Variants in FMN1 observed in about 807,000 individuals in gnomAD.
FMN1 encodes formin 1.
A neutral mutation model predicts 132.4 loss-of-function variants in FMN1; 110 were observed. The observed-to-expected ratio is 0.83, with a 90% confidence interval of 0.71 to 0.97. The LOEUF (loss-of-function observed/expected upper bound fraction) is 0.97. Ranked by LOEUF, FMN1 falls within the 50% of genes least tolerant of loss-of-function variation. The probability of loss-of-function intolerance (pLI) is 0.00; values close to 1 mark genes in which losing one functional copy is unlikely to be tolerated. For missense variants in FMN1, 1,792 were observed against 1,705.3 expected, an observed-to-expected ratio of 1.05 and a Z score of -0.90; for synonymous variants, 722 against 651.7, an observed-to-expected ratio of 1.11 and a Z score of -1.64.
chr15:32,968,540 G>A (rs1376156633), intron 8 of FMN1, among the ~76,000 whole-genome samples, 174 bp downstream of exon 8: 1 of 152,098 alleles, frequency 6.6e-6, no homozygotes, highest in East Asian at 1.9e-4. Flanking sequence ...GAGAGGCCCT[G>A]ATGGAGACAG....
At chr15:32,793,126 G>A (rs1179148595) in intron 19 of FMN1, among the ~76,000 whole-genome samples, 1 of 152,096 alleles carries the variant, frequency 6.6e-6, no homozygotes, top group African/African-American at 2.4e-5. Flanking sequence ...GGGCCAAGAG[G>A]TGTGTATAGT....
intron 6 of FMN1, among the ~76,000 whole-genome samples, chr15:33,018,476 A>G (rs935584673): frequency 5.9e-5 from 9 of 152,146 alleles, no homozygotes; most frequent in African/African-American, 2.2e-4. Context: ...CGTACATAAT[A>G]GAGCTTCCGT....
At chr15:33,173,854 A>G (rs1187855062) in intron 3 of FMN1, among the ~76,000 whole-genome samples, 1 of 152,262 alleles carries the variant, frequency 6.6e-6, no homozygotes, top group Admixed American at 6.5e-5. Flanking sequence ...GCTTGAACCC[A>G]GGAGGTGGAG....
chr15:32,768,257 T>G lies in FMN1; in HGVS notation c.*6053A>C, dbSNP rs1014360674. On this transcript the variant is annotated 3_prime_UTR_variant, in exon 21 of 21. Transcript: ENST00000616417. The stretch of plus-strand genomic sequence containing the variant: ...AGCCAGTGGTCTATGGGACTAACCT[T>G]TCATTTGGGAAAGACAGATCTGGAA... 1 of 152,282 alleles carries G rather than the reference T, an allele frequency of 6.6e-6. No individual in the cohort carries two copies. The highest frequency in any genetic ancestry group is 6.5e-5 in the Admixed American group (1 of 15,288). The allele number at this position is 152,282 out of a possible 1,614,324, so 9.4% of individuals were successfully genotyped here.
At chr15:32,966,261 A>C (rs2031213531) in intron 8 of FMN1, among the ~76,000 whole-genome samples, 1 of 151,990 alleles carries the variant, frequency 6.6e-6, no homozygotes, top group South Asian at 2.1e-4. Context: ...TTTGGGAGTC[A>C]ACCGTGATCA....
At chr15:33,103,211 C>G (rs939158024) in intron 4 of FMN1, among the ~76,000 whole-genome samples, 1 of 152,076 alleles carries the variant, frequency 6.6e-6, no homozygotes, top group African/African-American at 2.4e-5. Context: ...CTAATGAACA[C>G]TTACTATTGA....
At chr15:32,973,118 G>GA (rs1230257096) in intron 7 of FMN1, among the ~76,000 whole-genome samples, 1 of 151,720 alleles carries the variant, frequency 6.6e-6, no homozygotes, top group Non-Finnish European at 1.5e-5. Flanking sequence ...AGAAGATTTT[G>GA]AAAAAATAAA....
At chr15:33,077,143 G>A (rs2038243654) in intron 5 of FMN1, among the ~76,000 whole-genome samples, 1 of 152,080 alleles carries the variant, frequency 6.6e-6, no homozygotes, top group Non-Finnish European at 1.5e-5. Flanking sequence ...CCATCTTCCT[G>A]CCTCAGCCCC....
chr15:32,907,237 TCACCATA>T (rs2060449112), intron 12 of FMN1, among the ~76,000 whole-genome samples: 1 of 152,096 alleles, frequency 6.6e-6, no homozygotes, highest in Non-Finnish European at 1.5e-5. Flanking sequence ...ATTATACAAC[TCACCATA>T]ATCTAGGATT....
chr15:33,192,787 A>G (rs1966123064), intron 2 of FMN1, among the ~76,000 whole-genome samples: 1 of 152,252 alleles, frequency 6.6e-6, no homozygotes, highest in South Asian at 2.1e-4. Context: ...GACTAGTATT[A>G]TTAATAGCAG....
At chr15:33,015,266 C>T (rs772110731) in intron 6 of FMN1, among the ~76,000 whole-genome samples, 1 of 152,164 alleles carries the variant, frequency 6.6e-6, no homozygotes, top group Non-Finnish European at 1.5e-5. Context: ...CAGAATCACT[C>T]GTAAACTTGG....
chr15:32,933,384 T>C (rs1432495802), intron 9 of FMN1, among the ~76,000 whole-genome samples: 3 of 152,204 alleles, frequency 2.0e-5, no homozygotes, highest in Non-Finnish European at 4.4e-5. Flanking sequence ...AGGCTTGTTT[T>C]CTGACATAAC....
chr15:33,083,881 G>A (rs974161978), intron 5 of FMN1, among the ~76,000 whole-genome samples: 9 of 152,136 alleles, frequency 5.9e-5, no homozygotes, highest in African/African-American at 2.2e-4. Context: ...GGCTACAAAA[G>A]TGACCTCTGG....
intron 17 of FMN1, among the ~76,000 whole-genome samples, chr15:32,840,733 C>T (rs1334610701): frequency 6.6e-6 from 1 of 152,086 alleles, no homozygotes; most frequent in Non-Finnish European, 1.5e-5. Flanking sequence ...GGAAATGGTA[C>T]AAACATGAGA....
At chr15:33,175,839 A>G (rs1858807563) in intron 3 of FMN1, among the ~76,000 whole-genome samples, 1 of 152,206 alleles carries the variant, frequency 6.6e-6, no homozygotes, top group Non-Finnish European at 1.5e-5. Flanking sequence ...TGCCCCAGTC[A>G]AATATTTTTT....
rs2036159786 is a variant in FMN1, at chr15:33,035,718, AT to A, written c.2162-27644del. On this transcript the variant is annotated intron_variant, in intron 6 of 20. Transcript: ENST00000616417. The stretch of plus-strand genomic sequence containing the variant: ...GCCTCTTTTCTTTTCCATAGCATCT[AT>A]CCCCATCTAATATACTACACAATGT... Among the ~76,000 whole-genome samples the A allele has an allele frequency of 5.9e-5, 9 of 152,274 alleles. No homozygotes were observed. The South Asian group carries it at 1.9e-3, about 32-fold the overall frequency.
chr15:32,887,852 T>C (rs1021528095), intron 16 of FMN1, among the ~76,000 whole-genome samples: 6 of 152,214 alleles, frequency 3.9e-5, no homozygotes, highest in Non-Finnish European at 8.8e-5. Flanking sequence ...AAGATTGTTA[T>C]ATGAGACAAC....
chr15:33,113,627 T>C (rs1288759925), intron 4 of FMN1, among the ~76,000 whole-genome samples: 3 of 152,190 alleles, frequency 2.0e-5, no homozygotes, highest in African/African-American at 2.4e-5. Context: ...CACCTTCCTC[T>C]ACAGCCCACC....
chr15:33,115,957 A>AT (rs201609142), intron 4 of FMN1, among the ~76,000 whole-genome samples: 2,404 of 152,262 alleles, frequency 0.016, 35 homozygotes, highest in Non-Finnish European at 0.025. Flanking sequence ...CCTGCTTGCA[A>AT]TAATAGTAAG....
Sources: allele counts gnomAD v4.1 joint callset (sites outside exome capture counted in the v4.1 genomes callset), GRCh38; gene constraint gnomAD v4.1.1; transcripts MANE v1.5; gene names NCBI Gene and HGNC (gene_info 2026-07-23, HGNC 2026-07-21).